HEG1: variants seen among roughly 807,000 people sequenced by gnomAD.
HEG1 encodes the protein protein HEG homolog 1.
In HEG1, 56 loss-of-function variants were observed where a neutral mutation model predicts 125.6. The observed-to-expected ratio is 0.45, with a 90% CI of 0.36 to 0.56. The LOEUF (loss-of-function observed/expected upper bound fraction) is 0.56. Ranked by LOEUF, HEG1 falls within the 20% of genes least tolerant of loss-of-function variation. The probability of loss-of-function intolerance (pLI) is 0.00; values close to 1 mark genes in which losing one functional copy is unlikely to be tolerated. For synonymous variants in HEG1, 644 were observed against 668.5 expected, an observed-to-expected ratio of 0.96 and a Z score of 0.57; for missense variants, 1,523 against 1,670.0, an observed-to-expected ratio of 0.91 and a Z score of 1.53.
intron 1 of HEG1, among the ~76,000 whole-genome samples, chr3:125,043,287 A>G (rs1937611189): frequency 6.6e-6 from 1 of 152,230 alleles, no homozygotes; most frequent in Non-Finnish European, 1.5e-5. Context: ...AGTCAGGGTC[A>G]GCCTTCCAGA....
At chr3:124,987,531 T>C (rs181294376) in intron 14 of HEG1, among the ~76,000 whole-genome samples, 5 of 150,560 alleles carry the variant, frequency 3.3e-5, no homozygotes, top group Non-Finnish European at 7.4e-5. Flanking sequence ...TTCTTTTTTT[T>C]TTTTTTTTTG....
In HEG1 at chr3:125,021,972, A is replaced by G. The variant is rs563977327; in HGVS notation, c.914-842T>C. 2.2e-3 allele frequency among the ~76,000 whole-genome samples: 340 copies of G among 152,288 alleles called. 2 individuals are homozygous for G. The highest frequency in any genetic ancestry group is 0.01 in the Middle Eastern group (3 of 294). On this transcript the variant is annotated intron_variant, in intron 3 of 16. Transcript: ENST00000311127. ...TTGCTCTAATAGATGGATGGCTGCC[A>G]TGGGGAAACTGTCAAGAGCCTCAAG...
chr3:125,025,492 A>G (rs1046481821), intron 3 of HEG1, among the ~76,000 whole-genome samples: 4 of 152,254 alleles, frequency 2.6e-5, no homozygotes, highest in Admixed American at 1.3e-4. Flanking sequence ...AGTTAAAAGT[A>G]TAAGCTTTTA....
At chr3:125,010,328 G>A in intron 7 of HEG1, 111 bp downstream of exon 7, 1 of 628,974 alleles carries the variant, frequency 1.6e-6, no homozygotes, top group Non-Finnish European at 2.8e-6. Flanking sequence ...AAGTAAGCAG[G>A]GTATTAACTA....
rs945176768 is a variant in HEG1 at position 125,013,289 on chromosome 3, T to C, written c.2290A>G (p.Thr764Ala). 1 of 1,614,014 alleles carries C rather than the reference T, an allele frequency of 6.2e-7. No homozygotes were observed. Among genetic ancestry groups the C allele is most frequent in the African/African-American group, 1.3e-5 (1 of 75,046 alleles). ...PVTSFQTSTM[T>A]SFMTMLHSSQ... ...CTATGGAGCATTGTCATGAATGATG[T>C]CATTGTTGATGTCTGAAATGAAGTC... The change falls in exon 6 of 17, where the codon ACA becomes GCA. Residue 764 changes from threonine to alanine, a missense_variant. Physicochemically the swap from Thr to Ala is moderately conservative, Grantham distance 58. Coordinates refer to ENST00000311127, the MANE Select transcript of HEG1 (RefSeq NM_020733.2).
At chr3:124,971,772 G>C (rs997773341) in intron 16 of HEG1, among the ~76,000 whole-genome samples, 1 of 149,560 alleles carries the variant, frequency 6.7e-6, no homozygotes, top group African/African-American at 2.5e-5. Context: ...TTATAGGCGT[G>C]AGCCACTGCG....
chr3:125,027,591 T>A, intron 2 of HEG1, 84 bp from the exon 3 acceptor site: 1 of 1,099,358 alleles, frequency 9.1e-7, no homozygotes, highest in South Asian at 1.6e-5. Context: ...AGTTCTGACA[T>A]CTACAAAATA....
chr3:125,013,413 G>C lies in HEG1; in HGVS notation c.2166C>G (p.Ser722=). The change falls in exon 6 of 17, where the codon TCC becomes TCG. Residue 722 remains serine (S), a synonymous_variant. Coordinates refer to ENST00000311127, the MANE Select transcript of HEG1 (RefSeq NM_020733.2). ...GTGGGGCAGATGTAGATGTCGTTAA[G>C]GATACTGGTAAAGGTGATGGTGAGG... ...WSSSPSPLPV[S]LTTSTSAPLS... 6.2e-7 allele frequency: 1 copy of C among 1,613,958 alleles called. No individual in the cohort carries two copies. Among genetic ancestry groups the C allele is most frequent in the Non-Finnish European group, 8.5e-7 (1 of 1,179,886 alleles).
rs77711075 is a variant in HEG1, at chr3:125,004,198, C to T, written c.3297+1067G>A. Among the ~76,000 whole-genome samples the T allele has an allele frequency of 8.1e-3, 1,233 of 152,260 alleles. 19 individuals are homozygous for T. The highest frequency in any genetic ancestry group is 0.029 in the African/African-American group (1,191 of 41,532). On this transcript the variant is annotated intron_variant, in intron 9 of 16. Transcript: ENST00000311127. ...GGAGATAGAGAAATAGAACTAGATC[C>T]GTATTTTACACAGATAAAGTCCAAA...
intron 14 of HEG1, among the ~76,000 whole-genome samples, chr3:124,985,997 C>G (rs1436016033): frequency 6.6e-6 from 1 of 152,178 alleles, no homozygotes; most frequent in Non-Finnish European, 1.5e-5. Context: ...AGTCTGGTCT[C>G]GAACTCCTGA....
At chr3:125,045,828 A>G (rs561600808) in intron 1 of HEG1, among the ~76,000 whole-genome samples, 2 of 152,174 alleles carry the variant, frequency 1.3e-5, no homozygotes, top group Non-Finnish European at 2.9e-5. Context: ...CCTTCCAACA[A>G]CACTGAAGTC....
chr3:125,048,292 C>A (rs1269108361), intron 1 of HEG1, among the ~76,000 whole-genome samples: 4 of 152,232 alleles, frequency 2.6e-5, no homozygotes, highest in Non-Finnish European at 5.9e-5. Context: ...CAACCAGAGC[C>A]CCATACCATG....
intron 14 of HEG1, among the ~76,000 whole-genome samples, chr3:124,990,380 C>A (rs1936812497): frequency 6.6e-6 from 1 of 151,658 alleles, no homozygotes; most frequent in South Asian, 2.1e-4. Context: ...GCTCTGTAAC[C>A]CAGGCTGAAG....
chr3:125,039,692 GA>G (rs1937576615), intron 1 of HEG1, among the ~76,000 whole-genome samples: 1 of 152,112 alleles, frequency 6.6e-6, no homozygotes, highest in Non-Finnish European at 1.5e-5. Flanking sequence ...AGCACATGGG[GA>G]AACTGAGGGT....
At position 124,977,849 on chromosome 3, in the gene HEG1, C is replaced by T. The variant is rs755265326; in HGVS notation, c.3821+10G>A. The T allele has an allele frequency of 3.9e-6, 6 of 1,549,464 alleles. No homozygotes were observed. The African/African-American group carries it at 8.2e-5, about 21-fold the overall frequency. ...GGAACGGGATTGGAACCTGAACTCTCATCACTTACCTGCAACAGGTAACAA... is the reference window on the plus strand; with the variant it reads ...GGAACGGGATTGGAACCTGAACTCTTATCACTTACCTGCAACAGGTAACAA... On this transcript the variant is annotated intron_variant, in intron 15 of 16. Coordinates refer to ENST00000311127, the MANE Select transcript of HEG1 (RefSeq NM_020733.2).
chr3:125,005,298 G>A lies in HEG1; in HGVS notation c.3264C>T (p.Asp1088=). Residue 1088 remains aspartate (D), a synonymous_variant, in exon 9 of 17, where the codon GAC becomes GAT. Transcript: ENST00000311127. Reference sequence around the variant, plus strand: ...TGATCTCATTTTCAACTTCTTGTAGGTCTGAATGTTTTTCCACAGTTGTAT... The same window carrying A: ...TGATCTCATTTTCAACTTCTTGTAGATCTGAATGTTTTTCCACAGTTGTAT... ...FLNTTVEKHS[D]LQEVENEITK... The A allele has an allele frequency of 6.2e-7, 1 of 1,601,034 alleles. No individual in the cohort carries two copies. Among genetic ancestry groups the A allele is most frequent in the East Asian group, 2.2e-5 (1 of 44,820 alleles).
At chr3:125,014,099 G>A (rs1937206418) in intron 5 of HEG1, 109 bp from the exon 6 acceptor site, 2 of 1,002,794 alleles carry the variant, frequency 2.0e-6, no homozygotes, top group South Asian at 1.7e-5. Context: ...ATTCAAGTGG[G>A]TGAAACACTT....
chr3:124,998,314 T>TA (rs1310916367), intron 11 of HEG1, among the ~76,000 whole-genome samples: 1 of 152,216 alleles, frequency 6.6e-6, no homozygotes, highest in Non-Finnish European at 1.5e-5. Context: ...CTGCATGGCC[T>TA]AAAAAGGGAC....
At chr3:125,029,783 T>G (rs1937472638) in intron 1 of HEG1, among the ~76,000 whole-genome samples, 1 of 152,120 alleles carries the variant, frequency 6.6e-6, no homozygotes, top group East Asian at 1.9e-4. Flanking sequence ...TCCCATCTTC[T>G]AGGGAGGCTG....
Sources: gnomAD v4.1 joint callset for allele counts (sites outside exome capture counted in the v4.1 genomes callset) on GRCh38, gnomAD v4.1.1 for gene constraint, MANE v1.5 for transcripts, NCBI Gene and HGNC (gene_info 2026-07-23, HGNC 2026-07-21) for gene names.